The following NAALADL2 variants were observed in gnomAD, a reference collection of about 807,000 sequenced individuals.
The protein encoded by NAALADL2 is inactive N-acetylated-alpha-linked acidic dipeptidase-like protein 2.
Under a neutral mutation model 87.2 loss-of-function variants are expected in NAALADL2, and 76 were observed. The observed-to-expected ratio is 0.87, with a 90% CI of 0.72 to 1.05. The LOEUF (loss-of-function observed/expected upper bound fraction) is 1.05. Among genes scored for constraint, NAALADL2 ranks in the 50% least tolerant of loss-of-function variants. NAALADL2 has a pLI of 0.00. For synonymous variants in NAALADL2, 354 were observed against 331.0 expected (o/e 1.07, Z -0.75); for missense variants, 1,089 against 945.8 (o/e 1.15, Z -1.99).
At chr3:175,395,026 T>G (rs1469707400) in intron 5 of NAALADL2, among the ~76,000 whole-genome samples, 1 of 152,100 alleles carries the variant, frequency 6.6e-6, no homozygotes, top group African/African-American at 2.4e-5. Context: ...ACATCACTAC[T>G]TTCATGCTTT....
intron 2 of NAALADL2, among the ~76,000 whole-genome samples, chr3:175,140,521 G>A (rs891328921): frequency 1.3e-5 from 2 of 152,038 alleles, no homozygotes; most frequent in Non-Finnish European, 2.9e-5. Context: ...AATGGACTGA[G>A]ATCCAAAAAA....
At chr3:175,472,188 A>G (rs1053700128) in intron 9 of NAALADL2, among the ~76,000 whole-genome samples, 28 of 151,914 alleles carry the variant, frequency 1.8e-4, no homozygotes, top group African/African-American at 6.8e-4. Flanking sequence ...CGAGAGCAAG[A>G]ATATAGTGAT....
chr3:175,061,755 T>C (rs1471703609), intron 1 of NAALADL2, among the ~76,000 whole-genome samples: 4 of 128,216 alleles, frequency 3.1e-5, no homozygotes, highest in Non-Finnish European at 6.9e-5. Context: ...ATATATATAG[T>C]TTTATACACC....
At chr3:174,634,838 T>G (rs932288044) in intron 2 of NAALADL2, among the ~76,000 whole-genome samples, 1 of 152,172 alleles carries the variant, frequency 6.6e-6, no homozygotes, top group African/African-American at 2.4e-5. Context: ...CATTTTTTGA[T>G]GGGTTGTGAA....
intron 2 of NAALADL2, among the ~76,000 whole-genome samples, chr3:174,586,143 C>G (rs535521871): frequency 6.6e-6 from 1 of 152,092 alleles, no homozygotes; most frequent in African/African-American, 2.4e-5. Flanking sequence ...CTGAAAATTT[C>G]AACGGATATT....
chr3:175,011,201 A>G (rs531549120), intron 1 of NAALADL2, among the ~76,000 whole-genome samples: 41 of 151,680 alleles, frequency 2.7e-4, no homozygotes, highest in African/African-American at 9.7e-4. Context: ...GGCCCACAGA[A>G]GGGCTTCTAA....
At chr3:174,852,224 C>A (rs1191917721) in intron 3 of NAALADL2, among the ~76,000 whole-genome samples, 4 of 151,872 alleles carry the variant, frequency 2.6e-5, no homozygotes, top group African/African-American at 9.7e-5. Flanking sequence ...CTTGCCAGAA[C>A]AATTAGACAA....
intron 11 of NAALADL2, among the ~76,000 whole-genome samples, chr3:175,719,590 A>AT (rs764978913): frequency 7.6e-4 from 115 of 152,230 alleles, no homozygotes; most frequent in Admixed American, 3.1e-3. Flanking sequence ...TTCCAAGATG[A>AT]TTTTTTTAAA....
intron 3 of NAALADL2, among the ~76,000 whole-genome samples, chr3:174,799,737 G>A (rs1315740101): frequency 6.6e-6 from 1 of 152,208 alleles, no homozygotes; most frequent in Admixed American, 6.5e-5. Context: ...GGTTGGAATA[G>A]TTTGGAGGGC....
chr3:175,631,398 G>C (rs1162971703), intron 11 of NAALADL2, among the ~76,000 whole-genome samples: 3 of 151,030 alleles, frequency 2.0e-5, no homozygotes, highest in Non-Finnish European at 4.4e-5. Flanking sequence ...CTCATACATG[G>C]GATGTGAACT....
intron 5 of NAALADL2, among the ~76,000 whole-genome samples, chr3:175,370,542 A>T (rs954600265): frequency 6.6e-6 from 1 of 152,024 alleles, no homozygotes; most frequent in South Asian, 2.1e-4. Context: ...ATTCATTTGC[A>T]TGTTAAGCAA....
chr3:174,660,562 AT>A (rs1478513543), intron 2 of NAALADL2, among the ~76,000 whole-genome samples: 1 of 152,168 alleles, frequency 6.6e-6, no homozygotes, highest in African/African-American at 2.4e-5. Flanking sequence ...TATAATAACA[AT>A]ATGCTGCATC....
intron 2 of NAALADL2, among the ~76,000 whole-genome samples, chr3:174,678,449 C>T (rs1727243954): frequency 1.3e-5 from 2 of 152,068 alleles, no homozygotes; most frequent in South Asian, 4.1e-4. Context: ...TGTAGGATGC[C>T]AAATTTTTTT....
chr3:175,401,573 G>A (rs1770570004), intron 5 of NAALADL2, among the ~76,000 whole-genome samples: 1 of 152,072 alleles, frequency 6.6e-6, no homozygotes, highest in South Asian at 2.1e-4. Context: ...CAGGGCTATA[G>A]GTATAGCCTA....
At chr3:175,008,363 C>T (rs556719220) in intron 1 of NAALADL2, among the ~76,000 whole-genome samples, 12 of 152,150 alleles carry the variant, frequency 7.9e-5, no homozygotes, top group Admixed American at 2.6e-4. Context: ...CCTGGGTGGC[C>T]GAGTGAGACC....
At position 175,275,879 on chromosome 3, in the gene NAALADL2, A is replaced by G. The variant is rs143826307; in HGVS notation, c.939+19349A>G. On this transcript the variant is annotated intron_variant, in intron 4 of 13. Transcript: ENST00000454872. The stretch of plus-strand genomic sequence containing the variant: ...TAAGTTTAAGCTTTATAATAATGAT[A>G]GTAAGAAAACTCCTAAAACTATTTC... Among the ~76,000 whole-genome samples, 832 of 151,074 alleles carry G rather than the reference A, an allele frequency of 5.5e-3. 9 individuals are homozygous for G. The highest frequency in any genetic ancestry group is 0.019 in the African/African-American group (779 of 41,332).
At chr3:175,375,105 A>G (rs1222897428) in intron 5 of NAALADL2, among the ~76,000 whole-genome samples, 1 of 152,096 alleles carries the variant, frequency 6.6e-6, no homozygotes, top group Non-Finnish European at 1.5e-5. Context: ...GGTTCAGTCT[A>G]CTACTGGACT....
At chr3:174,892,921 C>CA (rs35081771) in intron 1 of NAALADL2, among the ~76,000 whole-genome samples, 14,749 of 108,308 alleles carry the variant, frequency 0.14, 1,047 homozygotes, top group East Asian at 0.34. Context: ...GACTCCAACT[C>CA]AAAAAAAAAA....
At chr3:174,751,834 A>G (rs1229259435) in intron 3 of NAALADL2, among the ~76,000 whole-genome samples, 3 of 149,584 alleles carry the variant, frequency 2.0e-5, no homozygotes, top group Non-Finnish European at 4.4e-5. Context: ...CATAAGTGAT[A>G]TTGACTTTAG....
Sources: gnomAD v4.1 joint callset for allele counts (sites outside exome capture counted in the v4.1 genomes callset) on GRCh38, gnomAD v4.1.1 for gene constraint, MANE v1.5 for transcripts, NCBI Gene and HGNC (gene_info 2026-07-23, HGNC 2026-07-21) for gene names.